Variants in LIN52 observed in about 807,000 individuals in gnomAD.
LIN52 encodes the protein protein lin-52 homolog.
Under a neutral mutation model 18.5 loss-of-function variants are expected in LIN52, and 4 were observed. The observed-to-expected ratio is 0.22, with a 90% CI of 0.11 to 0.49. The LOEUF (loss-of-function observed/expected upper bound fraction) is 0.49. Ranked by LOEUF, LIN52 falls within the 20% of genes least tolerant of loss-of-function variation. The pLI is 0.97. For synonymous variants in LIN52, 34 were observed against 45.5 expected, an observed-to-expected ratio of 0.75 and a Z score of 1.02; for missense variants, 102 against 139.5, an observed-to-expected ratio of 0.73 and a Z score of 1.35.
At chr14:74,163,104 C>T (rs1249255362) in intron 5 of LIN52, among the ~76,000 whole-genome samples, 1 of 152,080 alleles carries the variant, frequency 6.6e-6, no homozygotes, top group Admixed American at 6.6e-5. Flanking sequence ...TGTTTTGAGA[C>T]GGGGTCTGGC....
At chr14:74,115,060 A>C (rs1329534309) in intron 5 of LIN52, among the ~76,000 whole-genome samples, 1 of 152,234 alleles carries the variant, frequency 6.6e-6, no homozygotes, top group Non-Finnish European at 1.5e-5. Flanking sequence ...TTAAATTTGA[A>C]GTAACAGGAA....
intron 5 of LIN52, among the ~76,000 whole-genome samples, chr14:74,154,554 T>C (rs1475435552): frequency 6.6e-6 from 1 of 152,220 alleles, no homozygotes; most frequent in African/African-American, 2.4e-5. Flanking sequence ...GGTTATATGA[T>C]CTGCTCATAT....
Position 74,111,541 on chromosome 14 carries a change from A to G in LIN52, c.283+10303A>G, listed in dbSNP as rs932682239. Among the ~76,000 whole-genome samples, 16 of 151,536 alleles carry G rather than the reference A, an allele frequency of 1.1e-4. No homozygotes were observed. The East Asian group carries it at 3.1e-3, about 29-fold the overall frequency. On this transcript the variant is annotated intron_variant, in intron 5 of 5. Coordinates refer to ENST00000555028, the MANE Select transcript of LIN52 (RefSeq NM_001024674.3). ...GGCCACATCCTCCTAGGCTCAAGCA[A>G]TCCTCCCGCCTCAGCCTCCCAAAGC... is the stretch of plus-strand genomic sequence containing the variant.
chr14:74,149,472 G>A (rs997386862), intron 5 of LIN52, among the ~76,000 whole-genome samples: 1 of 152,148 alleles, frequency 6.6e-6, no homozygotes, highest in Non-Finnish European at 1.5e-5. Context: ...AGGCCTGATC[G>A]GTACATGAAT....
At chr14:74,097,916 CCTCT>C (rs2060826191) in intron 4 of LIN52, 56 bp downstream of exon 4, 1 of 1,305,122 alleles carries the variant, frequency 7.7e-7, no homozygotes. Context: ...CCATAGACCA[CCTCT>C]CTATTTTTTT....
chr14:74,123,659 C>T (rs1350446879), intron 5 of LIN52, among the ~76,000 whole-genome samples: 2 of 152,126 alleles, frequency 1.3e-5, no homozygotes, highest in South Asian at 2.1e-4. Context: ...CCCTCTAAGA[C>T]GGTCCCCAGT....
intron 4 of LIN52, among the ~76,000 whole-genome samples, chr14:74,099,489 A>G (rs1362647241): frequency 2.0e-5 from 3 of 152,200 alleles, no homozygotes; most frequent in African/African-American, 7.2e-5. Flanking sequence ...GGATCATAGC[A>G]TTATATTCTA....
At chr14:74,095,169 T>TTTTTTA (rs1343435651) in intron 2 of LIN52, among the ~76,000 whole-genome samples, 1 of 149,634 alleles carries the variant, frequency 6.7e-6, no homozygotes, top group African/African-American at 2.5e-5. Context: ...TTTTTTTTTT[T>TTTTTTA]GAGACAGGGT....
chr14:74,107,141 A>C (rs2060901755), intron 5 of LIN52, among the ~76,000 whole-genome samples: 1 of 152,212 alleles, frequency 6.6e-6, no homozygotes, highest in East Asian at 1.9e-4. Flanking sequence ...GATGAGACGT[A>C]ATATTTGAAG....
intron 5 of LIN52, among the ~76,000 whole-genome samples, chr14:74,113,481 T>A (rs1041488434): frequency 1.3e-5 from 2 of 152,096 alleles, no homozygotes; most frequent in African/African-American, 4.8e-5. Context: ...GTAGAGTGAA[T>A]GTTAAAGAGT....
chr14:74,147,968 C>T (rs558837814), intron 5 of LIN52, among the ~76,000 whole-genome samples: 55 of 152,180 alleles, frequency 3.6e-4, no homozygotes, highest in African/African-American at 1.1e-3. Context: ...ATGTATATTT[C>T]ACAATTTTAA....
intron 5 of LIN52, among the ~76,000 whole-genome samples, chr14:74,181,531 A>G (rs1006348575): frequency 1.3e-5 from 2 of 152,060 alleles, no homozygotes; most frequent in East Asian, 1.9e-4. Context: ...CACATTATGT[A>G]TAATTTATTT....
intron 5 of LIN52, among the ~76,000 whole-genome samples, chr14:74,197,496 T>G (rs1423691130): frequency 6.6e-5 from 10 of 152,120 alleles, no homozygotes; most frequent in Non-Finnish European, 1.0e-4. Flanking sequence ...GTTTTTACAT[T>G]TTAGTGGAGG....
intron 5 of LIN52, among the ~76,000 whole-genome samples, chr14:74,122,318 G>A (rs2139924989): frequency 6.6e-6 from 1 of 152,228 alleles, no homozygotes; most frequent in Non-Finnish European, 1.5e-5. Flanking sequence ...AGTATTTAGG[G>A]ATGAACTATC....
intron 2 of LIN52, among the ~76,000 whole-genome samples, chr14:74,095,147 C>CTTTT (rs1595146512): frequency 1.0e-5 from 1 of 97,102 alleles, no homozygotes; most frequent in African/African-American, 4.2e-5. Context: ...GCCCAACTAA[C>CTTTT]TGTTTTTTTT....
intron 5 of LIN52, among the ~76,000 whole-genome samples, chr14:74,163,819 G>T (rs2061236547): frequency 6.6e-6 from 1 of 152,086 alleles, no homozygotes; most frequent in South Asian, 2.1e-4. Context: ...TGAAGGAGGA[G>T]ATGGCTTAAA....
intron 5 of LIN52, among the ~76,000 whole-genome samples, chr14:74,155,784 G>T (rs1460727063): frequency 6.6e-6 from 1 of 152,152 alleles, no homozygotes; most frequent in Non-Finnish European, 1.5e-5. Context: ...CTTCAGATTG[G>T]CTTTTGTTTG....
At position 74,103,733 on chromosome 14, in the gene LIN52, G is replaced by GTT. The variant is rs573188668; in HGVS notation, c.283+2530_283+2531dup. Among the ~76,000 whole-genome samples, 70 of 46,028 alleles carry GTT rather than the reference G, an allele frequency of 1.5e-3. 3 individuals are homozygous for GTT. Among genetic ancestry groups the GTT allele is most frequent in the Non-Finnish European group, 1.9e-3 (47 of 24,952 alleles). The allele number at this position is 46,028 out of a possible 152,430, so 30.2% of individuals were successfully genotyped here. The stretch of plus-strand genomic sequence containing the variant: ...AGGTGTGAGCCACCGGGCCTGGCCA[G>GTT]TTTTTTTTTTTTTTTTTTTTTTTTT... On this transcript the variant is annotated intron_variant, in intron 5 of 5. Transcript: ENST00000555028.
chr14:74,122,771 C>G (rs969223781), intron 5 of LIN52, among the ~76,000 whole-genome samples: 2 of 152,148 alleles, frequency 1.3e-5, no homozygotes, highest in South Asian at 2.1e-4. Context: ...GAGGCTGAGG[C>G]AGGAGAATTG....
Sources: allele counts gnomAD v4.1 joint callset (sites outside exome capture counted in the v4.1 genomes callset), GRCh38; gene constraint gnomAD v4.1.1; transcripts MANE v1.5; gene names NCBI Gene and HGNC (gene_info 2026-07-23, HGNC 2026-07-21).